The following MCMDC2 variants were observed in gnomAD, a reference collection of about 807,000 sequenced individuals.
MCMDC2 encodes minichromosome maintenance domain containing 2, also known as minichromosome maintenance domain-containing protein 2.
Under a neutral mutation model 75.8 loss-of-function variants are expected in MCMDC2, and 54 were observed. The observed-to-expected ratio is 0.71, with a 90% confidence interval of 0.57 to 0.89. The LOEUF (loss-of-function observed/expected upper bound fraction) is 0.89. Among genes scored for constraint, MCMDC2 ranks in the 40% least tolerant of loss-of-function variants. MCMDC2 has a pLI of 0.00. For synonymous variants in MCMDC2, 249 were observed against 274.6 expected (o/e 0.91, Z 0.92); for missense variants, 656 against 780.4 (o/e 0.84, Z 1.90).
chr8:66,901,576 TGCC>T (rs1441148332), intron 13 of MCMDC2: 1 of 1,214,556 alleles, frequency 8.2e-7, no homozygotes, highest in African/African-American at 1.6e-5. Flanking sequence ...TTTTATTGGA[TGCC>T]ATATGAGATA....
At chr8:66,924,343 A>G (rs563168362), downstream of MCMDC2, among the ~76,000 whole-genome samples, 1 of 152,014 alleles carries the variant, frequency 6.6e-6, no homozygotes, top group East Asian at 1.9e-4. Flanking sequence ...ATTTGTTTCT[A>G]TGGCCGGGCG....
chr8:66,908,540 T>C (rs1283585608), intron 14 of MCMDC2, among the ~76,000 whole-genome samples: 2 of 152,150 alleles, frequency 1.3e-5, no homozygotes, highest in Non-Finnish European at 2.9e-5. Flanking sequence ...AAGATGAAAA[T>C]ATATGTCTTT....
Position 66,905,159 on chromosome 8 carries a change from C to A in MCMDC2, c.1770-67C>A, listed in dbSNP as rs1476529364. On this transcript the variant is annotated intron_variant, in intron 13 of 14. Transcript: ENST00000422365. ...AGGTTCATATATATCTCGATTTGTTCCTGCCAAAATATATATTATTTTTAT... is the reference window on the plus strand; with the variant it reads ...AGGTTCATATATATCTCGATTTGTTACTGCCAAAATATATATTATTTTTAT... 2.4e-6 allele frequency: 3 copies of A among 1,229,880 alleles called. No individual in the cohort carries two copies. The African/African-American group carries it at 4.7e-5, about 19-fold the overall frequency. The allele number at this position is 1,229,880 out of a possible 1,614,324, so 76.2% of individuals were successfully genotyped here.
At chr8:66,918,982 T>G in intron 14 of MCMDC2, 21 bp from the exon 15 acceptor site, 1 of 1,430,826 alleles carries the variant, frequency 7.0e-7, no homozygotes, top group East Asian at 2.7e-5. Context: ...TCATTTACAC[T>G]CTATTATCTT....
intron 7 of MCMDC2, among the ~76,000 whole-genome samples, chr8:66,880,118 G>A (rs1329108195): frequency 6.6e-6 from 1 of 152,182 alleles, no homozygotes; most frequent in East Asian, 1.9e-4. Context: ...ATGCAAGAGG[G>A]TAGACTTTGA....
intron 9 of MCMDC2, among the ~76,000 whole-genome samples, chr8:66,888,787 G>A (rs1811959852): frequency 6.6e-6 from 1 of 152,122 alleles, no homozygotes; most frequent in South Asian, 2.1e-4. Context: ...CAAATTTGAG[G>A]CTCATTGTTC....
intron 7 of MCMDC2, 54 bp from the exon 8 acceptor site, chr8:66,880,795 T>A: frequency 1.4e-6 from 2 of 1,421,000 alleles, no homozygotes; most frequent in Non-Finnish European, 1.9e-6. Flanking sequence ...CATATGTTCA[T>A]GTACAAAGTT....
intron 14 of MCMDC2, among the ~76,000 whole-genome samples, chr8:66,910,346 A>C (rs543037672): frequency 1.1e-3 from 174 of 152,280 alleles, no homozygotes; most frequent in African/African-American, 3.9e-3. Flanking sequence ...TTGCACCATC[A>C]CCTGGAAAAG....
intron 9 of MCMDC2, among the ~76,000 whole-genome samples, chr8:66,889,075 G>A (rs576857684): frequency 6.6e-6 from 1 of 152,074 alleles, no homozygotes; most frequent in Admixed American, 6.6e-5. Context: ...TAGAACATGC[G>A]CTAGATATAT....
At chr8:66,889,368 G>T (rs887365192) in intron 9 of MCMDC2, among the ~76,000 whole-genome samples, 1 of 152,198 alleles carries the variant, frequency 6.6e-6, no homozygotes, top group African/African-American at 2.4e-5. Flanking sequence ...GGTGCCTCAT[G>T]CCTGTAGTTC....
At chr8:66,899,969 A>G (rs1461668609) in intron 12 of MCMDC2, among the ~76,000 whole-genome samples, 1 of 150,970 alleles carries the variant, frequency 6.6e-6, no homozygotes, top group Non-Finnish European at 1.5e-5. Context: ...AAAATACAAA[A>G]AAAAACAAAA....
At chr8:66,905,401 G>A in intron 14 of MCMDC2, 66 bp downstream of exon 14, 1 of 1,225,828 alleles carries the variant, frequency 8.2e-7, no homozygotes, top group Non-Finnish European at 1.1e-6. Flanking sequence ...ATTCTTAGTT[G>A]GTTAAATTAA....
Position 66,901,674 on chromosome 8 carries a change from G to T in MCMDC2, c.1769+326G>T, listed in dbSNP as rs111575329. The T allele has an allele frequency of 3.9e-3, 4,048 of 1,030,012 alleles. 127 individuals carry two copies. The African/African-American group carries it at 0.063, about 16-fold the overall frequency. The allele number at this position is 1,030,012 out of a possible 1,614,324, so 63.8% of individuals were successfully genotyped here. A position where few individuals can be genotyped will look rare whatever the true frequency, so the allele number is the denominator to read the frequency against. ...TGGGCGGGCACGGTGGCTCACACCT[G>T]TAATCCCAGCACTTTGGGAGTCCGA... On this transcript the variant is annotated intron_variant, in intron 13 of 14. Coordinates refer to ENST00000422365, the MANE Select transcript of MCMDC2 (RefSeq NM_173518.5).
At chr8:66,886,645 C>T (rs1044107744) in intron 9 of MCMDC2, among the ~76,000 whole-genome samples, 19 of 152,038 alleles carry the variant, frequency 1.2e-4, no homozygotes, top group Admixed American at 7.9e-4. Flanking sequence ...TGGTGGCATG[C>T]GCCTGTAGAC....
chr8:66,902,711 AATATAT>A (rs1231949044), intron 13 of MCMDC2, among the ~76,000 whole-genome samples: 2,320 of 67,650 alleles, frequency 0.034, 67 homozygotes, highest in South Asian at 0.073. Context: ...AAAAAAAAAA[AATATAT>A]ATATATATAT....
At chr8:66,915,119 C>T (rs1032542612) in intron 14 of MCMDC2, among the ~76,000 whole-genome samples, 4 of 151,812 alleles carry the variant, frequency 2.6e-5, no homozygotes, top group Admixed American at 1.3e-4. Context: ...TGCTTGAGCC[C>T]AGGAGTTTGA....
Position 66,877,558 on chromosome 8 carries a change from A to G in MCMDC2, c.481+14A>G. 6.3e-7 allele frequency: 1 copy of G among 1,581,254 alleles called. No individual in the cohort carries two copies. The highest frequency in any genetic ancestry group is 1.2e-5 in the South Asian group (1 of 86,004). On this transcript the variant is annotated intron_variant, in intron 5 of 14. Transcript: ENST00000422365. ...CTCTTTCAAAAGGTAAATGTTAAAT[A>G]GGAAAATCAAAGCATTAAGCAATTG...
chr8:66,873,003 G>A (rs890810407), intron 1 of MCMDC2, among the ~76,000 whole-genome samples: 6 of 148,450 alleles, frequency 4.0e-5, no homozygotes, highest in South Asian at 4.3e-4. Context: ...AATGAATAAC[G>A]TGTTAGTCAT....
chr8:66,897,822 C>T (rs1418980397), intron 12 of MCMDC2, among the ~76,000 whole-genome samples: 1 of 152,150 alleles, frequency 6.6e-6, no homozygotes, highest in East Asian at 1.9e-4. Context: ...TAAAGGTACT[C>T]ACATATTTAC....
Sources: allele counts gnomAD v4.1 joint callset (sites outside exome capture counted in the v4.1 genomes callset), GRCh38; gene constraint gnomAD v4.1.1; transcripts MANE v1.5; gene names NCBI Gene and HGNC (gene_info 2026-07-23, HGNC 2026-07-21).